Variants in ZNF510 observed in about 807,000 individuals in gnomAD.
ZNF510 encodes zinc finger protein 510.
ZNF510 carries 15 observed loss-of-function variants against 18.1 expected under a neutral mutation model. That is an observed-to-expected ratio of 0.83 (90% CI 0.55 to 1.28). The LOEUF is 1.28. Among genes scored for constraint, ZNF510 ranks in the 50% most tolerant of loss-of-function variants. ZNF510 has a pLI of 0.00. For synonymous variants in ZNF510, 261 were observed against 266.4 expected, an observed-to-expected ratio of 0.98 and a Z score of 0.20; for missense variants, 724 against 791.8, an observed-to-expected ratio of 0.91 and a Z score of 1.03.
At position 96,761,038 on chromosome 9, in the gene ZNF510, C is replaced by T. The variant is rs552969312; in HGVS notation, c.353-561G>A. ...ACATCAAATTAAATTTATAACAGCA[C>T]CAACTCCTTTATGATTAAATGAAAA... On this transcript the variant is annotated intron_variant, in intron 5 of 5. Coordinates refer to ENST00000223428, the MANE Select transcript of ZNF510 (RefSeq NM_014930.3). Among the ~76,000 whole-genome samples, 23 of 152,134 alleles carry T rather than the reference C, an allele frequency of 1.5e-4. No homozygotes were observed. The South Asian group carries it at 4.8e-3, about 32-fold the overall frequency.
rs1395656031 is a variant in ZNF510, at chr9:96,759,781, T to C, written c.1049A>G (p.His350Arg). 2.5e-6 allele frequency: 4 copies of C among 1,613,918 alleles called. No homozygotes were observed. Among genetic ancestry groups the C allele is most frequent in the Non-Finnish European group, 3.4e-6 (4 of 1,179,994 alleles). The change falls in exon 6 of 6, where the codon CAC becomes CGC. Residue 350 changes from histidine to arginine, a missense_variant. Coordinates refer to ENST00000223428, the MANE Select transcript of ZNF510 (RefSeq NM_014930.3). ...GACAGCTGTTTGAGGATCAGTGAGG[T>C]GTGCCTTTCTGTTGAAATTATTTCC... is the stretch of plus-strand genomic sequence containing the variant. Reference protein sequence around the residue: ...PSGNNFNRKAHLTDPQTAVIE... With the variant: ...PSGNNFNRKARLTDPQTAVIE...
Position 96,760,382 on chromosome 9 carries a change from T to C in ZNF510, c.448A>G (p.Thr150Ala). The C allele has an allele frequency of 6.2e-7, 1 of 1,613,786 alleles. No individual in the cohort carries two copies. The highest frequency in any genetic ancestry group is 8.5e-7 in the Non-Finnish European group (1 of 1,179,836). ...TTCCCCAAAACTTTCTCTTCCTCTGTAGTCAATGTTTTATTATTGATACAT... is the reference window on the plus strand; with the variant it reads ...TTCCCCAAAACTTTCTCTTCCTCTGCAGTCAATGTTTTATTATTGATACAT... ...AICINNKTLTTEEEKVLGKPF... is the reference protein window; with the variant it reads ...AICINNKTLTAEEEKVLGKPF... Residue 150 changes from threonine (T) to alanine (A), a missense_variant, in exon 6 of 6, where the codon ACA (threonine) becomes GCA (alanine). Physicochemically the swap from Thr to Ala is moderately conservative, Grantham distance 58 (BLOSUM62 0). Coordinates refer to ENST00000223428, the MANE Select transcript of ZNF510 (RefSeq NM_014930.3).
In ZNF510 at chr9:96,756,079, T is replaced by G. The variant is rs1849187291; in HGVS notation, c.*2699A>C. 1 of 152,136 alleles carries G rather than the reference T, an allele frequency of 6.6e-6. No individual in the cohort carries two copies. The allele number at this position is 152,136 out of a possible 1,614,324, so 9.4% of individuals were successfully genotyped here. A position where few individuals can be genotyped will look rare whatever the true frequency, so the allele number is the denominator to read the frequency against. ...ATAGTCTCTTATTATGGGCATCTAC[T>G]TGAGCAACCCAGATGGTTGTACTAA... On this transcript the variant is annotated 3_prime_UTR_variant, in exon 6 of 6. Transcript: ENST00000223428.
At chr9:96,763,750 T>C (rs924332601) in intron 3 of ZNF510, 118 bp from the exon 4 acceptor site, 2 of 1,006,540 alleles carry the variant, frequency 2.0e-6, no homozygotes, top group Non-Finnish European at 2.8e-6. Context: ...ATGTAAAGGA[T>C]GCCTATTTTG....
chr9:96,759,840 A>G lies in ZNF510; in HGVS notation c.990T>C (p.Asn330=), dbSNP rs781261540. ...TTAATTCATAATGTTTTATACCCAT[A>G]TTAAGTTTATTATATTCCTCCACAG... ...KSTVEEYNKL[N]MGIKHYELNP... The change falls in exon 6 of 6, where the codon AAT becomes AAC. Residue 330 remains asparagine (N), a synonymous_variant. Coordinates refer to ENST00000223428, the MANE Select transcript of ZNF510 (RefSeq NM_014930.3). 8 of 1,613,610 alleles carry G rather than the reference A, an allele frequency of 5.0e-6. 1 individual carries two copies. In the South Asian group the frequency reaches 8.8e-5, roughly 18 times the overall value.
rs771674892 is a variant in ZNF510 at position 96,759,902 on chromosome 9, G to C, written c.928C>G (p.His310Asp). 6.2e-7 allele frequency: 1 copy of C among 1,613,214 alleles called. No homozygotes were observed. The highest frequency in any genetic ancestry group is 1.1e-5 in the South Asian group (1 of 91,072). Residue 310 changes from histidine to aspartate, a missense_variant, in exon 6 of 6, where the codon CAT (histidine) becomes GAT (aspartate). By Grantham distance (81) the His-to-Asp change is moderately conservative. Coordinates refer to ENST00000223428, the MANE Select transcript of ZNF510 (RefSeq NM_014930.3). ...RRTGTGKKHL[H>D]LNQCGKSFEK... ...AAGGATTTCCCACATTGATTAAGATGCAGGTGTTTCTTCCCTGTGCCAGTT... is the reference window on the plus strand; with the variant it reads ...AAGGATTTCCCACATTGATTAAGATCCAGGTGTTTCTTCCCTGTGCCAGTT...
chr9:96,758,813 A>G lies in ZNF510; in HGVS notation c.2017T>C (p.Tyr673His). The G allele has an allele frequency of 6.3e-7, 1 of 1,599,148 alleles. No individual in the cohort carries two copies. The highest frequency in any genetic ancestry group is 8.5e-7 in the Non-Finnish European group (1 of 1,171,944). The change falls in exon 6 of 6, where the codon TAC (tyrosine) becomes CAC (histidine). Residue 673 changes from tyrosine (Y) to histidine (H), a missense_variant. Physicochemically the swap from Tyr to His is moderately conservative, Grantham distance 83 (BLOSUM62 2). Coordinates refer to ENST00000223428, the MANE Select transcript of ZNF510 (RefSeq NM_014930.3). ...KLCKKSTLSL[Y>H]QKIQGEGNPY ...TTCCCCTCTCCCTGAATTTTCTGGT[A>G]TAAGCTTAGGGTAGACTTCTTACAT...
chr9:96,772,456 C>T (rs1849601801), intron 3 of ZNF510, among the ~76,000 whole-genome samples: 1 of 151,974 alleles, frequency 6.6e-6, no homozygotes, highest in South Asian at 2.1e-4. Context: ...ATAAGCAAGC[C>T]ATGGAATCCA....
Position 96,756,339 on chromosome 9 carries a change from G to A in ZNF510, c.*2439C>T, listed in dbSNP as rs933571137. The A allele has an allele frequency of 2.6e-5, 4 of 152,108 alleles. No individual in the cohort carries two copies. Among genetic ancestry groups the A allele is most frequent in the African/African-American group, 9.7e-5 (4 of 41,410 alleles). 9.4% of individuals were successfully genotyped at this position (152,108 alleles called of 1,614,324 possible). A position where few individuals can be genotyped will look rare whatever the true frequency, so the allele number is the denominator to read the frequency against. On this transcript the variant is annotated 3_prime_UTR_variant, in exon 6 of 6. Transcript: ENST00000223428. ...ATGGCACTGAGTTTGAACACACACA[G>A]GATCCTAGTAGTTTCAGTTGGCGAA...
At chr9:96,774,911 A>C in intron 2 of ZNF510, 65 bp from the exon 3 acceptor site, 74 of 1,416,084 alleles carry the variant, frequency 5.2e-5, no homozygotes, top group Non-Finnish European at 6.7e-5. Flanking sequence ...TACCAATGTC[A>C]TCACACCAGC....
At chr9:96,767,218 C>G (rs951868700) in intron 3 of ZNF510, among the ~76,000 whole-genome samples, 1 of 152,054 alleles carries the variant, frequency 6.6e-6, no homozygotes, top group African/African-American at 2.4e-5. Flanking sequence ...ATCCCAGCTA[C>G]TCGGGTGTCT....
At chr9:96,764,743 A>T (rs1849431252) in intron 3 of ZNF510, among the ~76,000 whole-genome samples, 1 of 152,228 alleles carries the variant, frequency 6.6e-6, no homozygotes, top group Admixed American at 6.5e-5. Context: ...TATACCATAT[A>T]ATCAAAACCA....
chr9:96,766,153 TTATGAGAACTGACTGTA>T (rs1849466173), intron 3 of ZNF510, among the ~76,000 whole-genome samples: 1 of 152,194 alleles, frequency 6.6e-6, no homozygotes, highest in Non-Finnish European at 1.5e-5. Flanking sequence ...CTACTGAGAA[TTATGAGAACTGACTGTA>T]TATAAACAAA....
rs770307211 is a variant in ZNF510, at chr9:96,776,008, G to A, written c.62C>T (p.Ala21Val). Residue 21 changes from alanine to valine, a missense_variant, in exon 2 of 6, where the codon GCA becomes GTA. By Grantham distance (64) the Ala-to-Val change is moderately conservative (BLOSUM62 0). Transcript: ENST00000223428. ...CVTLNTVGQL[A>V]EGGYPLRFST... is the part of the protein sequence containing the mutation. ...TCTCAACCCCAGCTTACCACCTTCT[G>A]CAAGTTGGCCCACAGTGTTCAGTGT... The A allele has an allele frequency of 6.2e-7, 1 of 1,608,702 alleles. No homozygotes were observed. The highest frequency in any genetic ancestry group is 2.2e-5 in the East Asian group (1 of 44,844).
chr9:96,770,344 C>T (rs551057950), intron 3 of ZNF510, among the ~76,000 whole-genome samples: 4 of 151,498 alleles, frequency 2.6e-5, no homozygotes, highest in South Asian at 4.1e-4. Context: ...AATCGCAGAA[C>T]TTTGGGAAGC....
intron 4 of ZNF510, 51 bp downstream of exon 4, chr9:96,763,455 G>A: frequency 6.5e-7 from 1 of 1,548,376 alleles, no homozygotes; most frequent in Non-Finnish European, 8.7e-7. Context: ...ACTTAAAAAA[G>A]AAATACCTTC....
At chr9:96,762,927 T>C in intron 5 of ZNF510, 191 bp downstream of exon 5, 1 of 498,968 alleles carries the variant, frequency 2.0e-6, no homozygotes, top group Non-Finnish European at 3.6e-6. Context: ...TTTTCACCTT[T>C]TGAATAATAT....
At chr9:96,774,319 CTG>C (rs1849643584) in intron 3 of ZNF510, among the ~76,000 whole-genome samples, 1 of 149,226 alleles carries the variant, frequency 6.7e-6, no homozygotes, top group Non-Finnish European at 1.5e-5. Context: ...AATAATAAAA[CTG>C]AAAAACTGTA....
intron 3 of ZNF510, among the ~76,000 whole-genome samples, chr9:96,774,562 C>G (rs1483520004): frequency 6.6e-6 from 1 of 151,342 alleles, no homozygotes; most frequent in Non-Finnish European, 1.5e-5. Context: ...CTGTCTGGCT[C>G]TCTGCCATGG....
Sources: gnomAD v4.1 joint callset for allele counts (sites outside exome capture counted in the v4.1 genomes callset) on GRCh38, gnomAD v4.1.1 for gene constraint, MANE v1.5 for transcripts, NCBI Gene and HGNC (gene_info 2026-07-23, HGNC 2026-07-21) for gene names.